The following PLCL1 variants were observed in gnomAD, a reference collection of about 807,000 sequenced individuals.
PLCL1 encodes the protein phospholipase C like 1 (inactive), also known as inactive phospholipase C-like protein 1.
PLCL1 carries 41 observed loss-of-function variants against 84.4 expected under a neutral mutation model. That is an observed-to-expected ratio of 0.49 (90% confidence interval 0.38 to 0.63). The LOEUF (loss-of-function observed/expected upper bound fraction) is 0.63. PLCL1 is among the 30% of genes least tolerant of loss of function. PLCL1 has a pLI of 0.00. For synonymous variants in PLCL1, 490 were observed against 488.3 expected, an observed-to-expected ratio of 1.00 and a Z score of -0.05; for missense variants, 1,206 against 1,367.8, an observed-to-expected ratio of 0.88 and a Z score of 1.87.
chr2:197,927,596 C>A (rs1401092), intron 1 of PLCL1, among the ~76,000 whole-genome samples: 41,491 of 152,030 alleles, frequency 0.27, 6,780 homozygotes, highest in East Asian at 0.5. Context: ...ATTACATAAG[C>A]CAACTCACAG....
At chr2:197,981,457 A>G (rs571950455) in intron 1 of PLCL1, among the ~76,000 whole-genome samples, 1 of 152,372 alleles carries the variant, frequency 6.6e-6, no homozygotes, top group Non-Finnish European at 1.5e-5. Flanking sequence ...ACAAGCAAAT[A>G]TAAACAATTA....
intron 1 of PLCL1, among the ~76,000 whole-genome samples, chr2:197,902,057 G>C (rs1198388947): frequency 6.6e-6 from 1 of 152,128 alleles, no homozygotes; most frequent in African/African-American, 2.4e-5. Context: ...AGGGAAAAAA[G>C]GAGATTTGTT....
At chr2:198,142,582 T>A (rs1246843462) in intron 5 of PLCL1, among the ~76,000 whole-genome samples, 1 of 152,208 alleles carries the variant, frequency 6.6e-6, no homozygotes, top group Admixed American at 6.5e-5. Context: ...TCAGAATTTC[T>A]ATAATGATCT....
At chr2:197,940,700 A>G (rs1036188601) in intron 1 of PLCL1, among the ~76,000 whole-genome samples, 6 of 152,228 alleles carry the variant, frequency 3.9e-5, no homozygotes, top group Non-Finnish European at 7.3e-5. Flanking sequence ...TTGGGTGAGG[A>G]AACAGTATTA....
chr2:197,903,555 C>T (rs2105738913), intron 1 of PLCL1, among the ~76,000 whole-genome samples: 1 of 131,918 alleles, frequency 7.6e-6, no homozygotes, highest in South Asian at 2.5e-4. Context: ...GAGATCTCGG[C>T]TCACTGCAAG....
Position 198,084,144 on chromosome 2 carries a change from T to A in PLCL1, c.627T>A (p.Asp209Glu), listed in dbSNP as rs1692792468. The change falls in exon 2 of 6, where the codon GAT (aspartate) becomes GAA (glutamate). Residue 209 changes from aspartate (D) to glutamate (E), a missense_variant. Transcript: ENST00000428675. ...ESLDLVANSA[D>E]VANIWVSGLR... ...TGGACCTAGTTGCCAATTCAGCAGATGTGGCAAACATCTGGGTGTCTGGGT... is the reference window on the plus strand; with the variant it reads ...TGGACCTAGTTGCCAATTCAGCAGAAGTGGCAAACATCTGGGTGTCTGGGT... The A allele has an allele frequency of 6.2e-7, 1 of 1,614,146 alleles. No homozygotes were observed. Among genetic ancestry groups the A allele is most frequent in the Non-Finnish European group, 8.5e-7 (1 of 1,179,988 alleles).
At chr2:198,107,193 G>A (rs115200350) in intron 5 of PLCL1, among the ~76,000 whole-genome samples, 2,313 of 151,950 alleles carry the variant, frequency 0.015, 54 homozygotes, top group African/African-American at 0.053. Flanking sequence ...AGGTGGAAAA[G>A]CCCTTTATAA....
chr2:198,094,179 C>T (rs966717533), intron 3 of PLCL1, among the ~76,000 whole-genome samples: 1 of 151,942 alleles, frequency 6.6e-6, no homozygotes, highest in African/African-American at 2.4e-5. Flanking sequence ...CTCCTGCCTC[C>T]GCCTCCCCAG....
intron 1 of PLCL1, among the ~76,000 whole-genome samples, chr2:197,914,781 G>A (rs1392154922): frequency 6.6e-6 from 1 of 152,188 alleles, no homozygotes; most frequent in Non-Finnish European, 1.5e-5. Flanking sequence ...ACAGAGATGA[G>A]AGGACACAGT....
chr2:198,033,500 G>A (rs563886146), intron 1 of PLCL1, among the ~76,000 whole-genome samples: 2 of 152,138 alleles, frequency 1.3e-5, no homozygotes, highest in Non-Finnish European at 2.9e-5. Flanking sequence ...TACCAGTACC[G>A]TTTTCTCTTG....
At chr2:198,002,336 A>G (rs1389626585) in intron 1 of PLCL1, among the ~76,000 whole-genome samples, 1 of 152,176 alleles carries the variant, frequency 6.6e-6, no homozygotes, top group Non-Finnish European at 1.5e-5. Context: ...TTTGTTGTAT[A>G]TATATCTTGA....
chr2:197,972,462 A>G (rs1243334474), intron 1 of PLCL1, among the ~76,000 whole-genome samples: 4 of 152,230 alleles, frequency 2.6e-5, no homozygotes, highest in Non-Finnish European at 5.9e-5. Flanking sequence ...GTCTGACAGC[A>G]TCAGAGAAAA....
chr2:198,029,361 C>T (rs1032811096), intron 1 of PLCL1, among the ~76,000 whole-genome samples: 1 of 152,152 alleles, frequency 6.6e-6, no homozygotes, highest in African/African-American at 2.4e-5. Flanking sequence ...CACAAACATA[C>T]ATTTTCTACT....
rs199959186 is a variant in PLCL1, at chr2:198,048,446, AT to A, written c.241-35311del. 9.7e-3 allele frequency among the ~76,000 whole-genome samples: 1,475 copies of A among 152,334 alleles called. 31 individuals are homozygous for A. The highest frequency in any genetic ancestry group is 0.033 in the African/African-American group (1,361 of 41,572). ...AAAAATGCCTGAGACTGGGTAATTT[AT>A]AAGGAAAAGAGGATTGACCTGGCTC... On this transcript the variant is annotated intron_variant, in intron 1 of 5. Coordinates refer to ENST00000428675, the MANE Select transcript of PLCL1 (RefSeq NM_006226.4).
At chr2:197,858,673 AATC>A (rs1490608820) in intron 1 of PLCL1, among the ~76,000 whole-genome samples, 1 of 152,218 alleles carries the variant, frequency 6.6e-6, no homozygotes, top group Non-Finnish European at 1.5e-5. Context: ...TAAGCAAAAT[AATC>A]ATGTAAAGCA....
chr2:197,992,643 C>T (rs187197695), intron 1 of PLCL1, among the ~76,000 whole-genome samples: 55 of 152,248 alleles, frequency 3.6e-4, no homozygotes, highest in Non-Finnish European at 6.8e-4. Flanking sequence ...CACACATCTT[C>T]AGAACTTTTT....
intron 1 of PLCL1, among the ~76,000 whole-genome samples, chr2:197,853,034 C>T (rs1049688276): frequency 4.6e-5 from 7 of 152,150 alleles, no homozygotes; most frequent in African/African-American, 1.7e-4. Flanking sequence ...TCTCCTTTCT[C>T]CACTCCCTGG....
At chr2:198,105,773 T>C (rs1040891406) in intron 5 of PLCL1, among the ~76,000 whole-genome samples, 2 of 151,830 alleles carry the variant, frequency 1.3e-5, no homozygotes, top group South Asian at 2.1e-4. Context: ...TCTAGGGCCA[T>C]TGAGGATTTT....
At chr2:198,138,168 G>GT (rs1203487737) in intron 5 of PLCL1, among the ~76,000 whole-genome samples, 4 of 152,090 alleles carry the variant, frequency 2.6e-5, no homozygotes, top group Admixed American at 6.6e-5. Flanking sequence ...AAGAAAAGAG[G>GT]TTTTTTTGTT....
Sources: allele counts gnomAD v4.1 joint callset (sites outside exome capture counted in the v4.1 genomes callset), GRCh38; gene constraint gnomAD v4.1.1; transcripts MANE v1.5; gene names NCBI Gene and HGNC (gene_info 2026-07-23, HGNC 2026-07-21).